The following STXBP6 variants were observed in gnomAD, a reference collection of about 807,000 sequenced individuals.
The protein encoded by STXBP6 is syntaxin-binding protein 6.
In STXBP6, 21 loss-of-function variants were observed where a neutral mutation model predicts 26.9. That is an observed-to-expected ratio of 0.78 (90% CI 0.55 to 1.12). The LOEUF (loss-of-function observed/expected upper bound fraction) is 1.12. Ranked by LOEUF, STXBP6 falls within the 50% of genes most tolerant of loss-of-function variation. The pLI is 0.00. For synonymous variants in STXBP6, 97 were observed against 92.6 expected, an observed-to-expected ratio of 1.05 and a Z score of -0.27; for missense variants, 232 against 257.9, an observed-to-expected ratio of 0.90 and a Z score of 0.69.
intron 2 of STXBP6, among the ~76,000 whole-genome samples, chr14:24,868,718 G>C (rs770170947): frequency 6.6e-6 from 1 of 152,174 alleles, no homozygotes; most frequent in African/African-American, 2.4e-5. Flanking sequence ...CATGAAAGCA[G>C]GGAAACCCTT....
At chr14:24,988,771 C>T (rs1454919461) in intron 1 of STXBP6, among the ~76,000 whole-genome samples, 2 of 152,188 alleles carry the variant, frequency 1.3e-5, no homozygotes, top group East Asian at 1.9e-4. Flanking sequence ...GGAACCATTT[C>T]TGCAAAGAAC....
intron 4 of STXBP6, among the ~76,000 whole-genome samples, chr14:24,826,970 TG>T (rs2138851933): frequency 6.6e-6 from 1 of 152,264 alleles, no homozygotes; most frequent in South Asian, 2.1e-4. Context: ...GAGGCCAAGG[TG>T]GGTGGATCAC....
At chr14:25,044,354 A>G (rs370509469) in intron 1 of STXBP6, among the ~76,000 whole-genome samples, 4 of 152,216 alleles carry the variant, frequency 2.6e-5, no homozygotes, top group South Asian at 2.1e-4. Flanking sequence ...TTACATATTC[A>G]CCAGCAATCT....
intron 2 of STXBP6, among the ~76,000 whole-genome samples, chr14:24,969,897 G>A (rs918546862): frequency 2.6e-5 from 4 of 152,090 alleles, no homozygotes; most frequent in African/African-American, 9.7e-5. Flanking sequence ...GGTGCATGGA[G>A]ATAATGAGGT....
chr14:24,987,990 C>A, intron 1 of STXBP6: 1 of 624,464 alleles, frequency 1.6e-6, no homozygotes, highest in Non-Finnish European at 2.0e-6. Flanking sequence ...GGAAGAAGAA[C>A]AATCAACAAG....
At chr14:24,976,762 G>A (rs963810223) in intron 1 of STXBP6, among the ~76,000 whole-genome samples, 5 of 148,222 alleles carry the variant, frequency 3.4e-5, no homozygotes, top group African/African-American at 1.2e-4. Flanking sequence ...GGGTACAGGT[G>A]AAAAAGAAAG....
At chr14:24,983,243 A>T (rs973718762) in intron 1 of STXBP6, among the ~76,000 whole-genome samples, 2 of 152,190 alleles carry the variant, frequency 1.3e-5, no homozygotes, top group Non-Finnish European at 2.9e-5. Context: ...AATTAAAAAG[A>T]GCTCAACTTT....
At chr14:24,867,119 C>T (rs1187531447) in intron 2 of STXBP6, among the ~76,000 whole-genome samples, 1 of 152,052 alleles carries the variant, frequency 6.6e-6, no homozygotes. Context: ...AGAGATCAGG[C>T]CATGAGAGCT....
chr14:24,895,524 T>C (rs1386409857), intron 2 of STXBP6, among the ~76,000 whole-genome samples: 1 of 152,224 alleles, frequency 6.6e-6, no homozygotes, highest in African/African-American at 2.4e-5. Context: ...TGGTGGTGTA[T>C]CCTTGTGTTG....
chr14:24,972,838 CA>C (rs1231519732), intron 2 of STXBP6, among the ~76,000 whole-genome samples: 1 of 151,782 alleles, frequency 6.6e-6, no homozygotes, highest in African/African-American at 2.4e-5. Context: ...ACAAAAACTA[CA>C]AAAATGGTGG....
intron 4 of STXBP6, among the ~76,000 whole-genome samples, chr14:24,826,281 C>T (rs1343427372): frequency 3.9e-5 from 6 of 152,146 alleles, no homozygotes; most frequent in Non-Finnish European, 8.8e-5. Context: ...GTTTCCTCAC[C>T]TGTCCTAGGG....
intron 5 of STXBP6, 62 bp from the exon 6 acceptor site, chr14:24,812,794 C>T: frequency 6.6e-7 from 1 of 1,522,594 alleles, no homozygotes; most frequent in African/African-American, 1.4e-5. Context: ...AGAGAGATTT[C>T]ACTGTGCTGC....
rs1425877137 is a variant in STXBP6 at position 24,819,387 on chromosome 14, T to C, written c.452-193A>G. 7 of 655,566 alleles carry C rather than the reference T, an allele frequency of 1.1e-5. No individual in the cohort carries two copies. In the South Asian group the frequency reaches 1.2e-4, roughly 12 times the overall value. The allele number at this position is 655,566 out of a possible 1,614,324, so 40.6% of individuals were successfully genotyped here. On this transcript the variant is annotated intron_variant, in intron 4 of 5. Coordinates refer to ENST00000323944, the MANE Select transcript of STXBP6 (RefSeq NM_001394410.1). The stretch of plus-strand genomic sequence containing the variant: ...ACGCACTTGCAGCAAGAACACCCAC[T>C]GACTGCAGGACCTAGGAAAATCCTA...
At chr14:24,967,361 G>A (rs1234759104) in intron 2 of STXBP6, among the ~76,000 whole-genome samples, 2 of 152,184 alleles carry the variant, frequency 1.3e-5, no homozygotes, top group Non-Finnish European at 2.9e-5. Flanking sequence ...ATGGGTGCAT[G>A]GCAGGTGCTG....
At chr14:24,827,818 AT>A in intron 4 of STXBP6, among the ~76,000 whole-genome samples, 1 of 152,198 alleles carries the variant, frequency 6.6e-6, no homozygotes, top group Non-Finnish European at 1.5e-5. Context: ...GTTCCAGGCT[AT>A]TCGCTTGCCA....
At chr14:24,850,037 T>G (rs556160992) in intron 4 of STXBP6, among the ~76,000 whole-genome samples, 3 of 152,132 alleles carry the variant, frequency 2.0e-5, no homozygotes, top group Non-Finnish European at 4.4e-5. Flanking sequence ...ATAAAAATCA[T>G]GGCAAATGTT....
At chr14:24,877,048 T>C (rs905807630) in intron 2 of STXBP6, among the ~76,000 whole-genome samples, 4 of 152,242 alleles carry the variant, frequency 2.6e-5, no homozygotes, top group South Asian at 4.1e-4. Context: ...TTTGGCCTAA[T>C]TGCAATCAGT....
intron 1 of STXBP6, among the ~76,000 whole-genome samples, chr14:25,018,437 C>A (rs1192894266): frequency 6.6e-6 from 1 of 152,172 alleles, no homozygotes; most frequent in Non-Finnish European, 1.5e-5. Flanking sequence ...TAGAAGCCAA[C>A]CATCTGAGAG....
intron 1 of STXBP6, among the ~76,000 whole-genome samples, chr14:25,024,144 C>G (rs1355356519): frequency 6.6e-6 from 1 of 151,862 alleles, no homozygotes; most frequent in Non-Finnish European, 1.5e-5. Context: ...CCCGTCTCTA[C>G]TAAAAATGCA....
Sources: allele counts gnomAD v4.1 joint callset (sites outside exome capture counted in the v4.1 genomes callset), GRCh38; gene constraint gnomAD v4.1.1; transcripts MANE v1.5; gene names NCBI Gene and HGNC (gene_info 2026-07-23, HGNC 2026-07-21).